Variants in FARS2 observed in about 807,000 individuals in gnomAD.
FARS2 encodes phenylalanine--tRNA ligase, mitochondrial.
In FARS2, 40 loss-of-function variants were observed where a neutral mutation model predicts 46.4. That is an observed-to-expected ratio of 0.86 (90% CI 0.67 to 1.12). The LOEUF is 1.12. FARS2 is among the 50% of genes most tolerant of loss of function. FARS2 has a pLI of 0.00. For missense variants in FARS2, 513 were observed against 567.9 expected (o/e 0.90, Z 0.98); for synonymous variants, 234 against 214.9 (o/e 1.09, Z -0.78).
intron 4 of FARS2, among the ~76,000 whole-genome samples, chr6:5,436,692 T>G (rs1357804056): frequency 2.0e-5 from 3 of 152,214 alleles, no homozygotes; most frequent in African/African-American, 7.2e-5. Context: ...AATTGGGCCT[T>G]AAGTGGTCAT....
At chr6:5,328,471 C>G (rs1770555446) in intron 1 of FARS2, among the ~76,000 whole-genome samples, 1 of 152,128 alleles carries the variant, frequency 6.6e-6, no homozygotes, top group South Asian at 2.1e-4. Context: ...GAAAGATGAA[C>G]AGCTTGAGAT....
chr6:5,344,613 AC>A (rs1343664528), intron 1 of FARS2, among the ~76,000 whole-genome samples: 1 of 152,036 alleles, frequency 6.6e-6, no homozygotes, highest in African/African-American at 2.4e-5. Flanking sequence ...TGCTCCACTA[AC>A]CAGAGGCAGT....
the FARS2 span, among the ~76,000 whole-genome samples, chr6:5,254,810 C>T: frequency 0.038 from 5,721 of 152,274 alleles, 127 homozygotes; most frequent in Middle Eastern, 0.095. Context: ...CAGCTGTGCT[C>T]TCAGGTACCA....
At chr6:5,644,651 C>T (rs1006321281) in intron 6 of FARS2, among the ~76,000 whole-genome samples, 3 of 152,204 alleles carry the variant, frequency 2.0e-5, no homozygotes, top group Admixed American at 1.3e-4. Context: ...TGAGTCACCT[C>T]GAAAACATTC....
intron 4 of FARS2, among the ~76,000 whole-genome samples, chr6:5,440,481 A>G (rs1763779929): frequency 6.6e-6 from 1 of 152,202 alleles, no homozygotes; most frequent in Non-Finnish European, 1.5e-5. Flanking sequence ...ACTTGTCTTA[A>G]TATTTTCCTG....
chr6:5,444,403 G>T (rs1764030287), intron 4 of FARS2, among the ~76,000 whole-genome samples: 1 of 146,522 alleles, frequency 6.8e-6, no homozygotes, highest in Non-Finnish European at 1.5e-5. Context: ...GGAGGCAGAG[G>T]TTGCAGTGAG....
intron 6 of FARS2, among the ~76,000 whole-genome samples, chr6:5,649,969 A>T (rs762053572): frequency 1.3e-5 from 2 of 152,168 alleles, no homozygotes; most frequent in African/African-American, 4.8e-5. Flanking sequence ...GATTTCCTAC[A>T]GGTACTTTGA....
In FARS2 at chr6:5,305,915, G is replaced by A. The variant is rs143826400; in HGVS notation, c.-22+44255G>A. On this transcript the variant is annotated intron_variant, in intron 1 of 6. Transcript: ENST00000274680. Reference sequence around the variant, plus strand: ...ATACTGAGTGCCAAGAGACAGTGCCGGATCAAAATTCAATTCTATTCAAAC... The same window carrying A: ...ATACTGAGTGCCAAGAGACAGTGCCAGATCAAAATTCAATTCTATTCAAAC... Among the ~76,000 whole-genome samples the A allele has an allele frequency of 1.2e-4, 18 of 152,188 alleles. No individual in the cohort carries two copies. The East Asian group carries it at 2.3e-3, about 20-fold the overall frequency.
chr6:5,467,642 C>T (rs1765582894), intron 4 of FARS2, among the ~76,000 whole-genome samples: 1 of 152,130 alleles, frequency 6.6e-6, no homozygotes, highest in Non-Finnish European at 1.5e-5. Flanking sequence ...CAGTAGCTTC[C>T]ACTCTCTTCT....
chr6:5,633,309 T>C (rs1776388081), intron 6 of FARS2, among the ~76,000 whole-genome samples: 1 of 128,928 alleles, frequency 7.8e-6, no homozygotes, highest in African/African-American at 2.9e-5. Context: ...AGAGTCTCGC[T>C]CTGTTGCCCA....
At chr6:5,769,820 G>A (rs1293257550) in intron 6 of FARS2, among the ~76,000 whole-genome samples, 1 of 152,158 alleles carries the variant, frequency 6.6e-6, no homozygotes, top group Admixed American at 6.5e-5. Context: ...GATCCAAACG[G>A]GGGCTGCATA....
At chr6:5,583,936 T>C (rs1169584714) in intron 5 of FARS2, among the ~76,000 whole-genome samples, 1 of 152,328 alleles carries the variant, frequency 6.6e-6, no homozygotes. Context: ...GAGAAAACTA[T>C]TGCTGTTTCT....
At chr6:5,762,961 A>T (rs6901527) in intron 6 of FARS2, among the ~76,000 whole-genome samples, 27,910 of 152,184 alleles carry the variant, frequency 0.18, 3,676 homozygotes, top group African/African-American at 0.37. Context: ...GAGAACGAGG[A>T]GGAGAACCTC....
At chr6:5,276,288 A>G (rs1766328102) in intron 1 of FARS2, among the ~76,000 whole-genome samples, 1 of 152,184 alleles carries the variant, frequency 6.6e-6, no homozygotes, top group African/African-American at 2.4e-5. Flanking sequence ...AGAAAACTTG[A>G]CTAAGATTTT....
intron 4 of FARS2, among the ~76,000 whole-genome samples, chr6:5,432,769 G>A (rs1392679931): frequency 1.3e-5 from 2 of 151,782 alleles, no homozygotes; most frequent in African/African-American, 4.8e-5. Flanking sequence ...GGTCCTTCTT[G>A]GTAACTAAGA....
At chr6:5,642,805 T>A (rs116092863) in intron 6 of FARS2, among the ~76,000 whole-genome samples, 1,524 of 152,306 alleles carry the variant, frequency 0.01, 37 homozygotes, top group African/African-American at 0.034. Flanking sequence ...TTCAGTCCAC[T>A]CTTAGGGCAG....
intron 5 of FARS2, among the ~76,000 whole-genome samples, chr6:5,575,665 A>G (rs1454480103): frequency 6.6e-6 from 1 of 152,176 alleles, no homozygotes; most frequent in Non-Finnish European, 1.5e-5. Context: ...ATACAATTTT[A>G]TACATGTATT....
chr6:5,306,923 G>A (rs531341978), intron 1 of FARS2, among the ~76,000 whole-genome samples: 5 of 149,278 alleles, frequency 3.3e-5, no homozygotes, highest in East Asian at 1.9e-4. Flanking sequence ...TGATAAATAC[G>A]AATTTGTTCT....
At chr6:5,510,277 C>T (rs768279466) in intron 4 of FARS2, among the ~76,000 whole-genome samples, 3 of 152,094 alleles carry the variant, frequency 2.0e-5, no homozygotes, top group Non-Finnish European at 4.4e-5. Flanking sequence ...ATGAGTTAGT[C>T]GACCCCTTAG....
Sources: gnomAD v4.1 joint callset for allele counts (sites outside exome capture counted in the v4.1 genomes callset) on GRCh38, gnomAD v4.1.1 for gene constraint, MANE v1.5 for transcripts, NCBI Gene and HGNC (gene_info 2026-07-23, HGNC 2026-07-21) for gene names.